RPS6KC1: variants seen among roughly 807,000 people sequenced by gnomAD.
RPS6KC1 encodes the protein ribosomal protein S6 kinase C1, also known as inactive ribosomal protein S6 kinase delta-1.
RPS6KC1 carries 54 observed loss-of-function variants against 103.8 expected under a neutral mutation model. The ratio of observed to expected loss-of-function variants is 0.52; its 90% CI spans 0.42 to 0.65. The LOEUF (loss-of-function observed/expected upper bound fraction) is 0.65. Ranked by LOEUF, RPS6KC1 falls within the 30% of genes least tolerant of loss-of-function variation. RPS6KC1 has a pLI of 0.00. For synonymous variants in RPS6KC1, 439 were observed against 438.7 expected (o/e 1.00, Z -0.01); for missense variants, 1,151 against 1,253.8 (o/e 0.92, Z 1.24).
chr1:213,749,250 G>A, the RPS6KC1 span, among the ~76,000 whole-genome samples: 9 of 152,208 alleles, frequency 5.9e-5, no homozygotes, highest in Non-Finnish European at 1.0e-4. Flanking sequence ...GCATCTGTAA[G>A]AGAGTGTTTG....
chr1:213,082,239 T>A (rs1222944517), intron 3 of RPS6KC1, among the ~76,000 whole-genome samples: 1 of 151,430 alleles, frequency 6.6e-6, no homozygotes, highest in Non-Finnish European at 1.5e-5. Context: ...GCTAACACAT[T>A]GAAACCCCGT....
the RPS6KC1 span, among the ~76,000 whole-genome samples, chr1:213,329,768 T>C: frequency 6.6e-6 from 1 of 152,214 alleles, no homozygotes; most frequent in Non-Finnish European, 1.5e-5. Flanking sequence ...AAGAAAGACA[T>C]TCTTCTGTGC....
At chr1:213,728,953 T>G in the RPS6KC1 span, among the ~76,000 whole-genome samples, 2 of 140,126 alleles carry the variant, frequency 1.4e-5, no homozygotes, top group Admixed American at 7.0e-5. Context: ...TTTTTGTTTT[T>G]TTTTTTTTTT....
the RPS6KC1 span, among the ~76,000 whole-genome samples, chr1:213,846,252 A>T: frequency 6.6e-6 from 1 of 151,524 alleles, no homozygotes; most frequent in Non-Finnish European, 1.5e-5. Context: ...GTGAACCGAG[A>T]TCACACCACT....
At chr1:213,417,325 G>A in the RPS6KC1 span, among the ~76,000 whole-genome samples, 5 of 152,326 alleles carry the variant, frequency 3.3e-5, no homozygotes, top group Middle Eastern at 3.4e-3. Flanking sequence ...CACAGAATGT[G>A]GAGGAACAAA....
intron 8 of RPS6KC1, among the ~76,000 whole-genome samples, chr1:213,179,525 A>G (rs2092123225): frequency 6.6e-6 from 1 of 152,224 alleles, no homozygotes; most frequent in Admixed American, 6.5e-5. Flanking sequence ...TTTGGGTTTT[A>G]GAAACTTGAA....
the RPS6KC1 span, among the ~76,000 whole-genome samples, chr1:213,809,437 A>G: frequency 2.6e-5 from 4 of 152,228 alleles, no homozygotes; most frequent in East Asian, 7.7e-4. Flanking sequence ...ACCCAGAGAC[A>G]CAGTGTGAGC....
the RPS6KC1 span, among the ~76,000 whole-genome samples, chr1:213,590,949 G>A: frequency 6.6e-6 from 1 of 152,088 alleles, no homozygotes; most frequent in Non-Finnish European, 1.5e-5. Context: ...AAGTTAGTGG[G>A]ATAAACTGCA....
the RPS6KC1 span, among the ~76,000 whole-genome samples, chr1:213,739,094 T>C: frequency 3.3e-5 from 5 of 152,086 alleles, no homozygotes; most frequent in Admixed American, 2.6e-4. Context: ...GAGGATTTTC[T>C]CCCACCTCTG....
At chr1:213,111,226 C>T (rs2083000719) in intron 4 of RPS6KC1, among the ~76,000 whole-genome samples, 1 of 152,032 alleles carries the variant, frequency 6.6e-6, no homozygotes, top group African/African-American at 2.4e-5. Flanking sequence ...TTATAATTGC[C>T]TTTTGGGGAA....
At chr1:213,207,862 AG>A (rs1426782920) in intron 8 of RPS6KC1, among the ~76,000 whole-genome samples, 1 of 152,004 alleles carries the variant, frequency 6.6e-6, no homozygotes, top group Non-Finnish European at 1.5e-5. Flanking sequence ...TAGTAGAGAC[AG>A]GGTTTCACCA....
chr1:213,256,920 G>A (rs565098498), intron 12 of RPS6KC1, among the ~76,000 whole-genome samples: 3 of 152,306 alleles, frequency 2.0e-5, no homozygotes, highest in South Asian at 4.1e-4. Flanking sequence ...GACTGTAGAG[G>A]TGATACGAAA....
chr1:213,305,209 C>T, the RPS6KC1 span, among the ~76,000 whole-genome samples: 4 of 152,060 alleles, frequency 2.6e-5, no homozygotes, highest in Non-Finnish European at 4.4e-5. Flanking sequence ...CTCAGCCTCC[C>T]GAGTAGCTGG....
At chr1:213,382,564 G>T in the RPS6KC1 span, among the ~76,000 whole-genome samples, 6 of 149,660 alleles carry the variant, frequency 4.0e-5, no homozygotes, top group Non-Finnish European at 8.9e-5. Context: ...AGCGGTTGTA[G>T]GGAGAACTTG....
At chr1:213,520,679 G>A in the RPS6KC1 span, among the ~76,000 whole-genome samples, 1 of 151,962 alleles carries the variant, frequency 6.6e-6, no homozygotes. Flanking sequence ...CCCATGAGAA[G>A]ATAAGGCAAG....
At chr1:213,408,907 A>C in the RPS6KC1 span, among the ~76,000 whole-genome samples, 1 of 152,270 alleles carries the variant, frequency 6.6e-6, no homozygotes, top group African/African-American at 2.4e-5. Context: ...GTCCTTACAG[A>C]ACGGTAGAGA....
At chr1:213,148,633 G>A (rs1436207286) in intron 6 of RPS6KC1, among the ~76,000 whole-genome samples, 4 of 152,016 alleles carry the variant, frequency 2.6e-5, no homozygotes, top group African/African-American at 9.7e-5. Flanking sequence ...TTGGTCTATG[G>A]TTTTCTTTTT....
chr1:213,365,415 G>A, the RPS6KC1 span, among the ~76,000 whole-genome samples: 1 of 152,156 alleles, frequency 6.6e-6, no homozygotes, highest in Non-Finnish European at 1.5e-5. Context: ...ATATTGATTC[G>A]TAGAATTACA....
At chr1:213,081,130 C>T (rs2079839608) in intron 3 of RPS6KC1, among the ~76,000 whole-genome samples, 1 of 152,220 alleles carries the variant, frequency 6.6e-6, no homozygotes, top group South Asian at 2.1e-4. Flanking sequence ...CTGGTATTCA[C>T]ACCTTTGTGT....
Sources: gnomAD v4.1 joint callset for allele counts (sites outside exome capture counted in the v4.1 genomes callset) on GRCh38, gnomAD v4.1.1 for gene constraint, MANE v1.5 for transcripts, NCBI Gene and HGNC (gene_info 2026-07-23, HGNC 2026-07-21) for gene names.